Variants in AGPAT3 observed in about 807,000 individuals in gnomAD.
AGPAT3 encodes 1-acyl-sn-glycerol-3-phosphate acyltransferase gamma.
A neutral mutation model predicts 47.3 loss-of-function variants in AGPAT3; 5 were observed. The observed-to-expected ratio is 0.11, with a 90% CI of 0.06 to 0.22. The LOEUF (loss-of-function observed/expected upper bound fraction) is 0.22, where lower values mean the gene tolerates loss of function less well. AGPAT3 is among the 10% of genes least tolerant of loss of function. The probability of loss-of-function intolerance (pLI) is 1.00; values close to 1 mark genes in which losing one functional copy is unlikely to be tolerated. For missense variants in AGPAT3, 315 were observed against 493.0 expected, an observed-to-expected ratio of 0.64 and a Z score of 3.42; for synonymous variants, 212 against 208.3, an observed-to-expected ratio of 1.02 and a Z score of -0.15.
rs1006787162 is a variant in AGPAT3 at position 43,912,113 on chromosome 21, G to A, written c.-49+8094G>A. 3.9e-4 allele frequency among the ~76,000 whole-genome samples: 59 copies of A among 152,372 alleles called. 1 individual carries two copies. Among genetic ancestry groups the A allele is most frequent in the Admixed American group, 3.3e-3 (51 of 15,310 alleles). On this transcript the variant is annotated intron_variant, in intron 2 of 9. Coordinates refer to ENST00000291572, the MANE Select transcript of AGPAT3 (RefSeq NM_020132.5). Reference sequence around the variant, plus strand: ...TCACAGGCTCAGCTTGAGCATTGCCGTAAGTGTTCATCTCAACACTTCCAT... The same window carrying A: ...TCACAGGCTCAGCTTGAGCATTGCCATAAGTGTTCATCTCAACACTTCCAT...
chr21:43,910,127 G>A (rs555230334), intron 2 of AGPAT3, among the ~76,000 whole-genome samples: 2 of 152,366 alleles, frequency 1.3e-5, no homozygotes, highest in African/African-American at 4.8e-5. Flanking sequence ...TGCAGGGTGT[G>A]ACTCACACCT....
intron 2 of AGPAT3, among the ~76,000 whole-genome samples, chr21:43,928,665 A>G (rs1016651850): frequency 2.0e-5 from 3 of 152,236 alleles, no homozygotes; most frequent in Non-Finnish European, 4.4e-5. Flanking sequence ...TTCACGTCTG[A>G]AACTACATCT....
At chr21:43,877,736 G>A (rs933576622) in intron 1 of AGPAT3, among the ~76,000 whole-genome samples, 4 of 152,028 alleles carry the variant, frequency 2.6e-5, no homozygotes, top group Admixed American at 6.5e-5. Context: ...GAGCCACTGC[G>A]CCTGGCTGAA....
intron 2 of AGPAT3, among the ~76,000 whole-genome samples, chr21:43,919,011 C>A (rs747433588): frequency 6.6e-6 from 1 of 152,148 alleles, no homozygotes; most frequent in Non-Finnish European, 1.5e-5. Flanking sequence ...CACTTTCCTG[C>A]CTGCTCTGAG....
chr21:43,876,959 A>C (rs1399488555), intron 1 of AGPAT3, among the ~76,000 whole-genome samples: 1 of 152,062 alleles, frequency 6.6e-6, no homozygotes, highest in African/African-American at 2.4e-5. Flanking sequence ...CCAGGGCTCA[A>C]GTGATTCTTG....
At chr21:43,884,201 C>T (rs935540514) in intron 1 of AGPAT3, among the ~76,000 whole-genome samples, 4 of 152,096 alleles carry the variant, frequency 2.6e-5, no homozygotes, top group African/African-American at 4.8e-5. Flanking sequence ...AGTGTAGCTC[C>T]ACCACGCCCT....
chr21:43,982,278 C>A lies in AGPAT3; in HGVS notation c.1043-26C>A. 6.3e-7 allele frequency: 1 copy of A among 1,582,056 alleles called. No individual in the cohort carries two copies. Among genetic ancestry groups the A allele is most frequent in the South Asian group, 1.1e-5 (1 of 89,270 alleles). Reference sequence around the variant, plus strand: ...AAAGGCAAAGTCATCCGTCTCACCTCTTCTCTCTCTCTCCTGTCTTGAAAG... The same window carrying A: ...AAAGGCAAAGTCATCCGTCTCACCTATTCTCTCTCTCTCCTGTCTTGAAAG... On this transcript the variant is annotated intron_variant, in intron 9 of 9. Transcript: ENST00000291572. This position sits in a 1 kb window ranked among gnomAD's most constrained non-coding sequence, Gnocchi z 6.2.
chr21:43,926,822 G>A (rs1050190648), intron 2 of AGPAT3, among the ~76,000 whole-genome samples: 2 of 151,334 alleles, frequency 1.3e-5, no homozygotes, highest in East Asian at 1.9e-4. Flanking sequence ...TTAGCTGGGC[G>A]TGGTGGAGCA....
chr21:43,972,931 C>G (rs2089458598), intron 7 of AGPAT3, among the ~76,000 whole-genome samples: 1 of 152,196 alleles, frequency 6.6e-6, no homozygotes, highest in Admixed American at 6.5e-5. Flanking sequence ...TCCATATTTG[C>G]AATCCAACCA....
chr21:43,964,706 A>G (rs2146694238), intron 3 of AGPAT3, among the ~76,000 whole-genome samples: 1 of 152,346 alleles, frequency 6.6e-6, no homozygotes, highest in Middle Eastern at 3.4e-3. Flanking sequence ...CCACAAATAC[A>G]CAAGAAAAGC....
At chr21:43,931,748 A>G (rs974519973) in intron 2 of AGPAT3, among the ~76,000 whole-genome samples, 3 of 152,180 alleles carry the variant, frequency 2.0e-5, no homozygotes, top group African/African-American at 7.2e-5. Flanking sequence ...CACCACCAGA[A>G]GGGGATTTTG....
At chr21:43,928,124 G>A (rs1167328000) in intron 2 of AGPAT3, among the ~76,000 whole-genome samples, 2 of 152,110 alleles carry the variant, frequency 1.3e-5, no homozygotes, top group Admixed American at 6.5e-5. Flanking sequence ...ATAACCACTC[G>A]GCCCACCGGA....
chr21:43,897,419 A>G (rs1421923651), intron 1 of AGPAT3, among the ~76,000 whole-genome samples: 2 of 150,942 alleles, frequency 1.3e-5, no homozygotes, highest in African/African-American at 2.4e-5. Flanking sequence ...CCCCTTTTCT[A>G]TTCGACAAAA....
chr21:43,976,968 G>T (rs1033787231), intron 7 of AGPAT3, among the ~76,000 whole-genome samples: 1 of 152,186 alleles, frequency 6.6e-6, no homozygotes, highest in Non-Finnish European at 1.5e-5. Context: ...GTATTTAAAA[G>T]ATTTTAATAT....
chr21:43,958,774 ATG>A (rs1190331992), intron 2 of AGPAT3, among the ~76,000 whole-genome samples: 1 of 62,928 alleles, frequency 1.6e-5, no homozygotes, highest in African/African-American at 6.6e-5. Flanking sequence ...GTGGTTTGTG[ATG>A]TGTGTGTGGC....
intron 7 of AGPAT3, among the ~76,000 whole-genome samples, chr21:43,972,267 C>T (rs759137256): frequency 3.9e-5 from 6 of 152,160 alleles, no homozygotes; most frequent in Non-Finnish European, 8.8e-5. Flanking sequence ...GTCTCAGCCT[C>T]CTGAGTAGCT....
chr21:43,865,802 C>T (rs913993542), intron 1 of AGPAT3, among the ~76,000 whole-genome samples: 3 of 152,020 alleles, frequency 2.0e-5, no homozygotes, highest in African/African-American at 7.2e-5. Context: ...AGGACGCGCC[C>T]GCCGCCTGGT....
At chr21:43,882,885 G>T (rs1240961804) in intron 1 of AGPAT3, among the ~76,000 whole-genome samples, 1 of 152,160 alleles carries the variant, frequency 6.6e-6, no homozygotes, top group East Asian at 1.9e-4. Flanking sequence ...GCAACTGCTG[G>T]CCACCAAGCA....
At position 43,930,883 on chromosome 21, in the gene AGPAT3, C is replaced by T. The variant is rs975289551; in HGVS notation, c.-49+26864C>T. On this transcript the variant is annotated intron_variant, in intron 2 of 9. Transcript: ENST00000291572. This position sits in a 1 kb window ranked among gnomAD's most constrained non-coding sequence, Gnocchi z 5.0. ...CTGCTGCCCTGTCCCCTCGGGCGGG[C>T]GCCACTTCCTTCCTGCATGTTCCTG... is the stretch of plus-strand genomic sequence containing the variant. Among the ~76,000 whole-genome samples, 24 of 152,284 alleles carry T rather than the reference C, an allele frequency of 1.6e-4. No homozygotes were observed. Among genetic ancestry groups the T allele is most frequent in the Middle Eastern group, 3.4e-3 (1 of 294 alleles).
Sources: allele counts gnomAD v4.1 joint callset (sites outside exome capture counted in the v4.1 genomes callset), GRCh38; gene constraint gnomAD v4.1.1; non-coding constraint Gnocchi (gnomAD v3.1); transcripts MANE v1.5; gene names NCBI Gene and HGNC (gene_info 2026-07-23, HGNC 2026-07-21).